The following BAHCC1 variants were observed in gnomAD, a reference collection of about 807,000 sequenced individuals.
BAHCC1 encodes BAH domain and coiled-coil containing 1, also known as BAH and coiled-coil domain-containing protein 1.
A neutral mutation model predicts 88.2 loss-of-function variants in BAHCC1; 43 were observed. That is an observed-to-expected ratio of 0.49 (90% CI 0.38 to 0.63). The LOEUF (loss-of-function observed/expected upper bound fraction) is 0.63, where lower values mean the gene tolerates loss of function less well. Among genes scored for constraint, BAHCC1 ranks in the 20% least tolerant of loss-of-function variants. BAHCC1 has a pLI of 0.00. For missense variants in BAHCC1, 3,023 were observed against 1,654.8 expected (o/e 1.83, Z -14.34); for synonymous variants, 1,510 against 745.5 (o/e 2.03, Z -16.71).
At chr17:81,403,848 C>T (rs1376727308) in intron 2 of BAHCC1, among the ~76,000 whole-genome samples, 4 of 152,192 alleles carry the variant, frequency 2.6e-5, no homozygotes, top group Admixed American at 6.5e-5. Flanking sequence ...GGCGGTGGCC[C>T]GCCACGCCCG....
intron 11 of BAHCC1, among the ~76,000 whole-genome samples, chr17:81,448,355 C>G (rs2064572143): frequency 6.6e-6 from 1 of 152,096 alleles, no homozygotes; most frequent in South Asian, 2.1e-4. Flanking sequence ...AGCTCCTGGG[C>G]TCTTCCGCCC....
intron 2 of BAHCC1, among the ~76,000 whole-genome samples, chr17:81,412,710 C>G (rs2063969936): frequency 6.6e-6 from 1 of 152,242 alleles, no homozygotes; most frequent in African/African-American, 2.4e-5. Context: ...GTGGCTCTGT[C>G]TCTTCCCTGC....
chr17:81,463,010 C>T (rs559004823), intron 27 of BAHCC1, 34 bp downstream of exon 27: 5 of 766,998 alleles, frequency 6.5e-6, no homozygotes, highest in South Asian at 5.5e-5. Context: ...CCCAGCCCCC[C>T]TCGGGGCCCC....
At position 81,410,850 on chromosome 17, in the gene BAHCC1, C is replaced by CTCTGCCTG. The variant is rs2063940963; in HGVS notation, c.178+10934_178+10941dup. 2.6e-5 allele frequency among the ~76,000 whole-genome samples: 4 copies of CTCTGCCTG among 152,124 alleles called. No individual in the cohort carries two copies. In the South Asian group the frequency reaches 8.3e-4, roughly 32 times the overall value. ...CAGTCTCGGGGCGGGGGTGGGGGCT[C>CTCTGCCTG]TCTGCCTGGGGTTGGGGGACAATGA... On this transcript the variant is annotated intron_variant, in intron 2 of 27. Transcript: ENST00000675386.
chr17:81,406,804 A>T (rs1407019904), intron 2 of BAHCC1: 20 of 443,798 alleles, frequency 4.5e-5, no homozygotes, highest in African/African-American at 3.2e-4. Flanking sequence ...GGTCCTGGTT[A>T]TGAGGTCGGC....
At chr17:81,462,624 A>T (rs117786821) in intron 26 of BAHCC1, 116 bp from the exon 27 acceptor site, 19,511 of 626,536 alleles carry the variant, frequency 0.031, 393 homozygotes, top group Middle Eastern at 0.069. Context: ...GGCGCCCTGC[A>T]CACTCACACT....
chr17:81,448,001 C>T (rs1032704107), intron 11 of BAHCC1, among the ~76,000 whole-genome samples, 153 bp downstream of exon 11: 1 of 152,228 alleles, frequency 6.6e-6, no homozygotes, highest in African/African-American at 2.4e-5. Context: ...CTCCCCTTGC[C>T]GTCCCTCGTC....
rs781959579 is a variant in BAHCC1, at chr17:81,445,112, G to A, written c.2769G>A (p.Ser923=). 2.5e-5 allele frequency: 19 copies of A among 773,292 alleles called. No homozygotes were observed. The highest frequency in any genetic ancestry group is 4.5e-4 in the Middle Eastern group (2 of 4,452). The allele number at this position is 773,292 out of a possible 1,614,324, so 47.9% of individuals were successfully genotyped here. Residue 923 remains serine, a synonymous_variant, in exon 9 of 28, where the codon TCG becomes TCA. Transcript: ENST00000675386. ...MQHPGQLPVY[S]RPQLLRQQEL... ...ACCCGGGCCAGCTCCCTGTGTACTC[G>A]AGGCCGCAGCTCCTCCGGCAGCAGG...
intron 1 of BAHCC1, chr17:81,396,885 C>T (rs1284790857): frequency 6.5e-6 from 1 of 152,706 alleles, no homozygotes; most frequent in East Asian, 1.9e-4. Context: ...ACTTTTCGCT[C>T]CATTTCCTCC....
At position 81,411,047 on chromosome 17, in the gene BAHCC1, T is replaced by C; in HGVS notation, c.178+11130T>C. The C allele has an allele frequency of 1.9e-6, 1 of 518,478 alleles. No homozygotes were observed. The highest frequency in any genetic ancestry group is 3.9e-6 in the Non-Finnish European group (1 of 259,606). 32.1% of individuals were successfully genotyped at this position (518,478 alleles called of 1,614,324 possible). A position where few individuals can be genotyped will look rare whatever the true frequency, so the allele number is the denominator to read the frequency against. ...TCTGTGTGAAGGCCTGGGGCCCCCG[T>C]GCGCCTCCCCTCGGGCCTGAGGGGT... On this transcript the variant is annotated intron_variant, in intron 2 of 27. Coordinates refer to ENST00000675386, the MANE Select transcript of BAHCC1 (RefSeq NM_001377448.1). This position sits in a 1 kb window ranked among gnomAD's most constrained non-coding sequence, Gnocchi z 6.2.
At position 81,459,301 on chromosome 17, in the gene BAHCC1, C is replaced by T; in HGVS notation, c.5769C>T (p.Tyr1923=). ...EGERGNRQRI[Y]SLEQLLQEAV... ...AGAGGGGCAACCGGCAGAGGATCTA[C>T]TCACTGGAGCAGCTGCTGCAGGAAG... The change falls in exon 22 of 28, where the codon TAC becomes TAT. Residue 1923 remains tyrosine (Y), a synonymous_variant. Coordinates refer to ENST00000675386, the MANE Select transcript of BAHCC1 (RefSeq NM_001377448.1). The T allele has an allele frequency of 5.1e-6, 4 of 779,350 alleles. No individual in the cohort carries two copies. Among genetic ancestry groups the T allele is most frequent in the Middle Eastern group, 4.5e-4 (2 of 4,440 alleles). 48.3% of individuals were successfully genotyped at this position (779,350 alleles called of 1,614,324 possible).
chr17:81,408,215 G>A lies in BAHCC1; in HGVS notation c.178+8298G>A, dbSNP rs141104225. On this transcript the variant is annotated intron_variant, in intron 2 of 27. Coordinates refer to ENST00000675386, the MANE Select transcript of BAHCC1 (RefSeq NM_001377448.1). ...GTCAAGATCAATTCCAGTGCGTGGC[G>A]AATGCCTCGGGGCCAGGTCTGGTCC... Among the ~76,000 whole-genome samples the A allele has an allele frequency of 4.5e-3, 685 of 152,288 alleles. 9 individuals are homozygous for A. The highest frequency in any genetic ancestry group is 0.016 in the African/African-American group (653 of 41,548).
chr17:81,455,168 G>A (rs2064723683), intron 14 of BAHCC1, 99 bp from the exon 15 acceptor site: 1 of 650,294 alleles, frequency 1.5e-6, no homozygotes, highest in Admixed American at 2.2e-5. Flanking sequence ...CCTTGGAGGA[G>A]GGTGACCCAC....
At chr17:81,432,601 AACC>A (rs2064276161) in intron 3 of BAHCC1, among the ~76,000 whole-genome samples, 1 of 100,750 alleles carries the variant, frequency 9.9e-6, no homozygotes. Context: ...CCCTGGACCC[AACC>A]TCCGTCCCCA....
intron 14 of BAHCC1, among the ~76,000 whole-genome samples, chr17:81,453,157 C>CCGGCCCCCCTGGAGTGTGAGG (rs2143595927): frequency 6.6e-6 from 1 of 152,370 alleles, no homozygotes; most frequent in South Asian, 2.1e-4. Context: ...TCGTCCCCGC[C>CCGGCCCCCCTGGAGTGTGAGG]CGGCCCCCCT....
intron 3 of BAHCC1, among the ~76,000 whole-genome samples, chr17:81,433,805 C>T (rs1486214114): frequency 1.3e-5 from 2 of 152,220 alleles, no homozygotes; most frequent in African/African-American, 2.4e-5. Context: ...CTTTGTGTGC[C>T]GCATGCGGAC....
chr17:81,412,535 C>T (rs1451055644), intron 2 of BAHCC1, among the ~76,000 whole-genome samples: 1 of 152,192 alleles, frequency 6.6e-6, no homozygotes, highest in Non-Finnish European at 1.5e-5. Context: ...GGGTCAGAGA[C>T]CCCTTGGGGC....
rs781860528 is a variant in BAHCC1, at chr17:81,461,714, G to A, written c.7051G>A (p.Asp2351Asn). 24 of 719,148 alleles carry A rather than the reference G, an allele frequency of 3.3e-5. No individual in the cohort carries two copies. The East Asian group carries it at 3.5e-4, about 10-fold the overall frequency. 44.5% of individuals were successfully genotyped at this position (719,148 alleles called of 1,614,324 possible). Residue 2351 changes from aspartate to asparagine, a missense_variant, in exon 26 of 28, where the codon GAC becomes AAC. Physicochemically the swap from Asp to Asn is conservative, Grantham distance 23. Coordinates refer to ENST00000675386, the MANE Select transcript of BAHCC1 (RefSeq NM_001377448.1). ...CGAGGACTCGTCCTACAGCTCAGAC[G>A]ACGAGGACCCGGCTCTGCTGCTGCA... Reference protein sequence around the residue: ...DNEDSSYSSDDEDPALLLQTC... With the variant: ...DNEDSSYSSDNEDPALLLQTC...
intron 11 of BAHCC1, among the ~76,000 whole-genome samples, chr17:81,448,218 C>T (rs1406379965): frequency 1.3e-5 from 2 of 152,234 alleles, no homozygotes; most frequent in Non-Finnish European, 2.9e-5. Context: ...CCTCCACCTC[C>T]TCAGCCTCCA....
Sources: gnomAD v4.1 joint callset for allele counts (sites outside exome capture counted in the v4.1 genomes callset) on GRCh38, gnomAD v4.1.1 for gene constraint, Gnocchi (gnomAD v3.1) non-coding constraint, MANE v1.5 for transcripts, NCBI Gene and HGNC (gene_info 2026-07-23, HGNC 2026-07-21) for gene names.